LRRC63: variants seen among roughly 807,000 people sequenced by gnomAD.
LRRC63 encodes leucine rich repeat containing 63, also known as leucine-rich repeat-containing protein 63.
LRRC63 carries 40 observed loss-of-function variants against 49.5 expected under a neutral mutation model. The observed-to-expected ratio is 0.81, with a 90% CI of 0.63 to 1.05. LRRC63 has a LOEUF of 1.05. Ranked by LOEUF, LRRC63 falls within the 50% of genes least tolerant of loss-of-function variation. The probability of loss-of-function intolerance (pLI) is 0.00; values close to 1 mark genes in which losing one functional copy is unlikely to be tolerated. For missense variants in LRRC63, 636 were observed against 663.1 expected (o/e 0.96, Z 0.45); for synonymous variants, 191 against 221.1 (o/e 0.86, Z 1.21).
At chr13:46,262,597 T>G (rs2138574767) in intron 8 of LRRC63, among the ~76,000 whole-genome samples, 1 of 152,318 alleles carries the variant, frequency 6.6e-6, no homozygotes, top group African/African-American at 2.4e-5. Context: ...AGTTTACTCA[T>G]AAATTTGGGA....
chr13:46,231,512 T>C (rs1020890965), intron 4 of LRRC63, among the ~76,000 whole-genome samples: 1 of 151,770 alleles, frequency 6.6e-6, no homozygotes, highest in Non-Finnish European at 1.5e-5. Context: ...CACTTTTTCT[T>C]TTTTCTTTTT....
Position 46,248,766 on chromosome 13 carries a change from A to G in LRRC63, c.1090-1589A>G, listed in dbSNP as rs536769413. On this transcript the variant is annotated intron_variant, in intron 6 of 9. Coordinates refer to ENST00000595396, the Ensembl canonical transcript of LRRC63. Reference sequence around the variant, plus strand: ...GGAAATAGAAGAATTGAACAACACTATAAACCAATTAGACCTAATAAATCT... The same window carrying G: ...GGAAATAGAAGAATTGAACAACACTGTAAACCAATTAGACCTAATAAATCT... Among the ~76,000 whole-genome samples, 45 of 152,030 alleles carry G rather than the reference A, an allele frequency of 3.0e-4. 2 individuals are homozygous for G. The South Asian group carries it at 7.5e-3, about 25-fold the overall frequency.
chr13:46,245,812 A>G (rs1422005479), intron 5 of LRRC63, among the ~76,000 whole-genome samples: 1 of 152,264 alleles, frequency 6.6e-6, no homozygotes, highest in African/African-American at 2.4e-5. Context: ...ATAATTAAAT[A>G]TAAAATAGAT....
At chr13:46,218,323 T>G (rs1000645516) in intron 2 of LRRC63, among the ~76,000 whole-genome samples, 1 of 152,242 alleles carries the variant, frequency 6.6e-6, no homozygotes, top group Non-Finnish European at 1.5e-5. Context: ...CTCTTCTTGT[T>G]GCATTGGTCC....
chr13:46,237,460 G>A (rs928464081), intron 5 of LRRC63, among the ~76,000 whole-genome samples: 1 of 152,120 alleles, frequency 6.6e-6, no homozygotes, highest in African/African-American at 2.4e-5. Flanking sequence ...TTGGGGGAAG[G>A]CTATAGGTAC....
At position 46,250,072 on chromosome 13, in the gene LRRC63, G is replaced by T. The variant is rs79785580; in HGVS notation, c.1090-283G>T. On this transcript the variant is annotated intron_variant, in intron 6 of 9. Coordinates refer to ENST00000595396, the Ensembl canonical transcript of LRRC63. Reference sequence around the variant, plus strand: ...TTCCGTGATTTCCTCGTATGAAACCGTGAGCTTGATCAGAAAGGGTAACTT... The same window carrying T: ...TTCCGTGATTTCCTCGTATGAAACCTTGAGCTTGATCAGAAAGGGTAACTT... The T allele has an allele frequency of 7.0e-4, 130 of 185,488 alleles. 1 individual carries two copies. Among genetic ancestry groups the T allele is most frequent in the African/African-American group, 2.9e-3 (124 of 42,972 alleles). 11.5% of individuals were successfully genotyped at this position (185,488 alleles called of 1,614,324 possible). A position where few individuals can be genotyped will look rare whatever the true frequency, so the allele number is the denominator to read the frequency against.
intron 7 of LRRC63, 78 bp downstream of exon 7, chr13:46,250,569 C>T: frequency 1.7e-6 from 2 of 1,199,956 alleles, no homozygotes; most frequent in Non-Finnish European, 2.3e-6. Context: ...CCTTTCAAAG[C>T]AGCTAGCAGC....
At chr13:46,213,214 A>T (rs920497016) in intron 2 of LRRC63, 95 bp downstream of exon 2, 6 of 721,614 alleles carry the variant, frequency 8.3e-6, no homozygotes, top group African/African-American at 5.4e-5. Flanking sequence ...AAATACACTC[A>T]CTAATAACTT....
intron 2 of LRRC63, among the ~76,000 whole-genome samples, chr13:46,224,305 A>G (rs2046505194): frequency 6.6e-6 from 1 of 152,122 alleles, no homozygotes; most frequent in South Asian, 2.1e-4. Flanking sequence ...ACGTGTCATC[A>G]AGTTCTGAGA....
At chr13:46,223,297 G>T (rs976599019) in intron 2 of LRRC63, among the ~76,000 whole-genome samples, 1 of 152,048 alleles carries the variant, frequency 6.6e-6, no homozygotes. Flanking sequence ...TTGAAGATCA[G>T]TTGGCTGTAA....
intron 4 of LRRC63, among the ~76,000 whole-genome samples, chr13:46,230,567 C>T (rs912924235): frequency 3.9e-5 from 6 of 152,120 alleles, no homozygotes; most frequent in African/African-American, 7.2e-5. Context: ...GCCCAAAAGC[C>T]GAAGAACTTG....
intron 8 of LRRC63, among the ~76,000 whole-genome samples, chr13:46,264,559 G>A (rs1033955771): frequency 6.6e-6 from 1 of 151,948 alleles, no homozygotes; most frequent in Non-Finnish European, 1.5e-5. Flanking sequence ...TACACATCAT[G>A]CATTTTGGTT....
At chr13:46,276,868 TTATATATATATATTC>T (rs2047850344) in exon 10 of LRRC63, 1 of 148,350 alleles carries the variant, frequency 6.7e-6, no homozygotes, top group Non-Finnish European at 1.3e-5. Context: ...ATATATATAT[TTATATATATATATTC>T]ATATATATAT....
chr13:46,262,488 C>G (rs2047629011), intron 8 of LRRC63, among the ~76,000 whole-genome samples: 1 of 152,038 alleles, frequency 6.6e-6, no homozygotes, highest in African/African-American at 2.4e-5. Context: ...CTTAACTATT[C>G]TCTTTAGAAC....
intron 2 of LRRC63, among the ~76,000 whole-genome samples, chr13:46,222,975 A>G (rs955667380): frequency 1.3e-5 from 2 of 148,558 alleles, no homozygotes; most frequent in African/African-American, 2.5e-5. Context: ...AAAACCAAAC[A>G]CGGCATGTTC....
At chr13:46,223,232 GA>G (rs955719321) in intron 2 of LRRC63, among the ~76,000 whole-genome samples, 19 of 151,320 alleles carry the variant, frequency 1.3e-4, no homozygotes, top group African/African-American at 2.4e-4. Flanking sequence ...TTAAAAAAAA[GA>G]AAAAAAATAT....
chr13:46,257,877 G>A (rs1005317600), intron 7 of LRRC63, among the ~76,000 whole-genome samples: 2 of 151,788 alleles, frequency 1.3e-5, no homozygotes, highest in Non-Finnish European at 2.9e-5. Context: ...TTCATTATTA[G>A]TCTTTTTCTT....
At chr13:46,227,659 G>A (rs898249018) in exon 3 of LRRC63, 6 of 1,550,162 alleles carry the variant, frequency 3.9e-6, no homozygotes, top group Non-Finnish European at 5.2e-6. Context: ...CTTGATCACT[G>A]TGTACAAGAA....
rs772023274 is a variant in LRRC63 at position 46,260,817 on chromosome 13, G to C, written c.1227-1092G>C. On this transcript the variant is annotated intron_variant, in intron 7 of 9. Coordinates refer to ENST00000595396, the Ensembl canonical transcript of LRRC63. ...AGAGGAATATGGGGGATTGTGAGAGGCAAGCTGGACAAGTAGCATGGGACC... is the reference window on the plus strand; with the variant it reads ...AGAGGAATATGGGGGATTGTGAGAGCCAAGCTGGACAAGTAGCATGGGACC... Among the ~76,000 whole-genome samples, 4 of 152,172 alleles carry C rather than the reference G, an allele frequency of 2.6e-5. No individual in the cohort carries two copies. The South Asian group carries it at 8.3e-4, about 32-fold the overall frequency.
Sources: gnomAD v4.1 joint callset for allele counts (sites outside exome capture counted in the v4.1 genomes callset) on GRCh38, gnomAD v4.1.1 for gene constraint, MANE v1.5 for transcripts, NCBI Gene and HGNC (gene_info 2026-07-23, HGNC 2026-07-21) for gene names.